The following XIRP2 variants were observed in gnomAD, a reference collection of about 807,000 sequenced individuals.
XIRP2 encodes the protein xin actin-binding repeat-containing protein 2.
In XIRP2, 236 loss-of-function variants were observed where a neutral mutation model predicts 277.0. The ratio of observed to expected loss-of-function variants is 0.85; its 90% CI spans 0.77 to 0.95. XIRP2 has a LOEUF of 0.95. Ranked by LOEUF, XIRP2 falls within the 40% of genes least tolerant of loss-of-function variation. XIRP2 has a pLI of 0.00. For synonymous variants in XIRP2, 1,490 were observed against 1,416.5 expected, an observed-to-expected ratio of 1.05 and a Z score of -1.17; for missense variants, 4,640 against 4,157.5, an observed-to-expected ratio of 1.12 and a Z score of -3.19.
Position 166,903,564 on chromosome 2 carries a change from C to T in XIRP2, c.82C>T (p.Pro28Ser), listed in dbSNP as rs375128659. Residue 28 changes from proline (P) to serine (S), a missense_variant, in exon 2 of 11, where the codon CCC (proline) becomes TCC (serine). Physicochemically the swap from Pro to Ser is moderately conservative, Grantham distance 74 (BLOSUM62 -1). Coordinates refer to ENST00000409195, the MANE Select transcript of XIRP2 (RefSeq NM_152381.6). ...SCDYQRSECHPRDSHCTIFQP... is the reference protein window; with the variant it reads ...SCDYQRSECHSRDSHCTIFQP... ...TGATTATCAGAGAAGTGAGTGTCAT[C>T]CCAGGGACAGCCATTGTACAATTTT... The T allele has an allele frequency of 1.2e-5, 19 of 1,613,484 alleles. No individual in the cohort carries two copies. The Middle Eastern group carries it at 4.9e-4, about 42-fold the overall frequency.
chr2:166,912,155 G>A (rs1684726910), intron 2 of XIRP2, among the ~76,000 whole-genome samples: 1 of 152,166 alleles, frequency 6.6e-6, no homozygotes, highest in East Asian at 1.9e-4. Flanking sequence ...ATATTGGCCT[G>A]CCTTGCTAGG....
At chr2:167,071,223 T>G (rs1258179165) in intron 2 of XIRP2, among the ~76,000 whole-genome samples, 3 of 152,184 alleles carry the variant, frequency 2.0e-5, no homozygotes, top group Non-Finnish European at 4.4e-5. Flanking sequence ...GACATAAAGT[T>G]TTAAACTGGG....
intron 2 of XIRP2, among the ~76,000 whole-genome samples, chr2:167,038,100 A>T (rs1053703487): frequency 6.6e-6 from 1 of 152,020 alleles, no homozygotes; most frequent in African/African-American, 2.4e-5. Flanking sequence ...TATTGAATAA[A>T]TCTAAAATAA....
chr2:167,239,948 G>T lies in XIRP2; in HGVS notation c.952G>T (p.Val318Phe). Residue 318 changes from valine to phenylalanine, a missense_variant, in exon 6 of 11, where the codon GTT becomes TTT. Coordinates refer to ENST00000409195, the MANE Select transcript of XIRP2 (RefSeq NM_152381.6). ...QEGSKVQKID[V>F]HGTEMVSHLE... ...AGGGTCCAAAGTACAGAAAATTGATGTTCATGGAACAGAAATGGTAACTAT... is the reference window on the plus strand; with the variant it reads ...AGGGTCCAAAGTACAGAAAATTGATTTTCATGGAACAGAAATGGTAACTAT... 1 of 1,601,466 alleles carries T rather than the reference G, an allele frequency of 6.2e-7. No homozygotes were observed. Among genetic ancestry groups the T allele is most frequent in the Non-Finnish European group, 8.5e-7 (1 of 1,176,794 alleles).
intron 2 of XIRP2, among the ~76,000 whole-genome samples, chr2:166,907,662 G>C (rs1402988959): frequency 1.3e-5 from 2 of 150,468 alleles, no homozygotes; most frequent in Non-Finnish European, 3.0e-5. Flanking sequence ...TGTGCACAAC[G>C]TGCAGGTTTG....
chr2:167,198,345 T>C (rs1693581168), intron 3 of XIRP2, among the ~76,000 whole-genome samples: 1 of 152,206 alleles, frequency 6.6e-6, no homozygotes, highest in Non-Finnish European at 1.5e-5. Flanking sequence ...AAAATTATTA[T>C]AGTTTTAATA....
At chr2:167,122,303 G>T (rs1342149048) in intron 2 of XIRP2, among the ~76,000 whole-genome samples, 1 of 152,160 alleles carries the variant, frequency 6.6e-6, no homozygotes, top group African/African-American at 2.4e-5. Flanking sequence ...TAGAATTGTA[G>T]CTTTTCTGTG....
In XIRP2 at chr2:167,030,129, A is replaced by T. The variant is rs533960945; in HGVS notation, c.409-105780A>T. Among the ~76,000 whole-genome samples, 3 of 152,016 alleles carry T rather than the reference A, an allele frequency of 2.0e-5. No individual in the cohort carries two copies. In the East Asian group the frequency reaches 5.8e-4, roughly 29 times the overall value. On this transcript the variant is annotated intron_variant, in intron 2 of 10. Coordinates refer to ENST00000409195, the MANE Select transcript of XIRP2 (RefSeq NM_152381.6). ...TTTATTCTTTATTAGTCTGGCTAGC[A>T]GTCTATCTATTTTGTTAATTTTTCA...
At chr2:166,996,777 C>T (rs1490647653) in intron 2 of XIRP2, among the ~76,000 whole-genome samples, 8 of 152,064 alleles carry the variant, frequency 5.3e-5, no homozygotes, top group Non-Finnish European at 8.8e-5. Context: ...CCCCTTCTTA[C>T]GACCACTCCA....
At chr2:166,961,212 T>C (rs531095673) in intron 2 of XIRP2, among the ~76,000 whole-genome samples, 27 of 151,746 alleles carry the variant, frequency 1.8e-4, no homozygotes, top group Admixed American at 1.6e-3. Context: ...TATTGTCTTT[T>C]AGAGTTTTTT....
chr2:166,983,273 T>G (rs893728661), intron 2 of XIRP2, among the ~76,000 whole-genome samples: 10 of 152,204 alleles, frequency 6.6e-5, no homozygotes, highest in Non-Finnish European at 1.5e-4. Flanking sequence ...TTATATCATT[T>G]ATTATAATTT....
At chr2:166,917,975 G>A (rs981280877) in intron 2 of XIRP2, among the ~76,000 whole-genome samples, 2 of 152,096 alleles carry the variant, frequency 1.3e-5, no homozygotes, top group African/African-American at 2.4e-5. Context: ...CTCACAAGCA[G>A]AATAATTGTA....
chr2:167,008,466 C>T (rs1687566120), intron 2 of XIRP2, among the ~76,000 whole-genome samples: 1 of 151,410 alleles, frequency 6.6e-6, no homozygotes, highest in Admixed American at 6.6e-5. Context: ...ATGGTCTTTC[C>T]ACTCCCCCAT....
intron 3 of XIRP2, chr2:167,187,364 A>G (rs1693186909): frequency 1.0e-6 from 1 of 985,358 alleles, no homozygotes; most frequent in Non-Finnish European, 1.2e-6. Flanking sequence ...CGTCCCATCT[A>G]CTTGCTTGAT....
intron 5 of XIRP2, among the ~76,000 whole-genome samples, chr2:167,227,882 T>TG (rs894236087): frequency 1.3e-5 from 2 of 152,176 alleles, no homozygotes; most frequent in African/African-American, 2.4e-5. Flanking sequence ...CATTACAATT[T>TG]TTTTTGCAAT....
intron 2 of XIRP2, among the ~76,000 whole-genome samples, chr2:167,004,383 A>G (rs1484565350): frequency 6.6e-6 from 1 of 151,936 alleles, no homozygotes; most frequent in African/African-American, 2.4e-5. Context: ...TCAATAAAGC[A>G]GTTTTTATTA....
chr2:167,248,925 G>GA lies in XIRP2; in HGVS notation c.7539dup (p.Gln2514ThrfsTer28), dbSNP rs752367877. 2.1e-5 allele frequency: 34 copies of GA among 1,613,550 alleles called. No homozygotes were observed. The highest frequency in any genetic ancestry group is 1.0e-4 in the Admixed American group (6 of 59,956). On this transcript the variant is annotated frameshift_variant, in exon 9 of 11. Transcript: ENST00000409195. LOFTEE classifies it high-confidence loss of function. The stretch of plus-strand genomic sequence containing the variant: ...CAGTTCCAGGAACTTCAGCACCCAG[G>GA]AAAAAACAGATTGCGCCTCTTATAA...
rs75120484 is a variant in XIRP2 at position 166,955,878 on chromosome 2, C to T, written c.408+51988C>T. ...AACATCTTCATCCTTTTCATCACAA[C>T]CACTTTCCTCTCTTATGTCAATAAA... On this transcript the variant is annotated intron_variant, in intron 2 of 10. Transcript: ENST00000409195. 6.0e-3 allele frequency among the ~76,000 whole-genome samples: 908 copies of T among 151,494 alleles called. 76 individuals are homozygous for T. In the East Asian group the frequency reaches 0.16, roughly 26 times the overall value.
chr2:167,212,225 C>G (rs1694068017), intron 4 of XIRP2, among the ~76,000 whole-genome samples: 1 of 152,176 alleles, frequency 6.6e-6, no homozygotes, highest in African/African-American at 2.4e-5. Flanking sequence ...ATAGTACCTC[C>G]TGCCAGTCTT....
Sources: allele counts gnomAD v4.1 joint callset (sites outside exome capture counted in the v4.1 genomes callset), GRCh38; gene constraint gnomAD v4.1.1; transcripts MANE v1.5; gene names NCBI Gene and HGNC (gene_info 2026-07-23, HGNC 2026-07-21).